The following NEDD4L variants were observed in gnomAD, a reference collection of about 807,000 sequenced individuals.
The protein encoded by NEDD4L is E3 ubiquitin-protein ligase NEDD4-like.
Under a neutral mutation model 148.9 loss-of-function variants are expected in NEDD4L, and 54 were observed. The observed-to-expected ratio is 0.36, with a 90% CI of 0.29 to 0.45. The LOEUF is 0.45. Among genes scored for constraint, NEDD4L ranks in the 20% least tolerant of loss-of-function variants. The pLI is 1.00. For synonymous variants in NEDD4L, 433 were observed against 440.7 expected (o/e 0.98, Z 0.22); for missense variants, 856 against 1,233.8 (o/e 0.69, Z 4.59).
chr18:58,143,892 T>C (rs2033822629), intron 1 of NEDD4L, among the ~76,000 whole-genome samples: 1 of 152,166 alleles, frequency 6.6e-6, no homozygotes, highest in Non-Finnish European at 1.5e-5. Context: ...TATATAGAAA[T>C]GGGCATTTTC....
intron 5 of NEDD4L, among the ~76,000 whole-genome samples, chr18:58,277,248 GA>G (rs5825271): frequency 0.74 from 111,632 of 149,940 alleles, 41,595 homozygotes; most frequent in South Asian, 0.86. Context: ...ATGGAGAAGA[GA>G]AAAAAAAAAA....
intron 2 of NEDD4L, among the ~76,000 whole-genome samples, chr18:58,217,300 G>A (rs77823187): frequency 0.024 from 3,617 of 152,250 alleles, 125 homozygotes; most frequent in African/African-American, 0.072. Context: ...TCTTCGTTGT[G>A]TTCAATTTAT....
At chr18:58,167,566 T>A (rs572265711) in intron 2 of NEDD4L, among the ~76,000 whole-genome samples, 31 of 152,316 alleles carry the variant, frequency 2.0e-4, no homozygotes, top group Non-Finnish European at 7.4e-5. Context: ...CCACAGTAGG[T>A]GCAATGTCAT....
chr18:58,388,066 G>A (rs978722453), intron 27 of NEDD4L: 5 of 152,394 alleles, frequency 3.3e-5, no homozygotes, highest in Non-Finnish European at 7.3e-5. Flanking sequence ...GAAGGCAACA[G>A]GGTTGTAGCA....
At chr18:58,231,279 C>A (rs189677852) in intron 2 of NEDD4L, among the ~76,000 whole-genome samples, 3,505 of 139,850 alleles carry the variant, frequency 0.025, 119 homozygotes, top group African/African-American at 0.076. Context: ...AAGGAACAAA[C>A]AACAGACACA....
At chr18:58,313,162 A>C (rs1353972395) in intron 5 of NEDD4L, among the ~76,000 whole-genome samples, 3 of 152,186 alleles carry the variant, frequency 2.0e-5, no homozygotes, top group Non-Finnish European at 4.4e-5. Context: ...TTTGTGCTTG[A>C]TCCCTATTTT....
chr18:58,309,440 C>T (rs945053698), intron 5 of NEDD4L, among the ~76,000 whole-genome samples: 2 of 152,172 alleles, frequency 1.3e-5, no homozygotes, highest in Non-Finnish European at 2.9e-5. Flanking sequence ...ACTCTGTTGT[C>T]CTATCCTGTC....
intron 5 of NEDD4L, among the ~76,000 whole-genome samples, chr18:58,264,437 T>C (rs941827765): frequency 6.6e-6 from 1 of 152,090 alleles, no homozygotes; most frequent in Non-Finnish European, 1.5e-5. Flanking sequence ...TTGGAAATTA[T>C]GCTGGCCAGT....
At chr18:58,307,189 G>T (rs911204281) in intron 5 of NEDD4L, among the ~76,000 whole-genome samples, 1 of 152,174 alleles carries the variant, frequency 6.6e-6, no homozygotes, top group African/African-American at 2.4e-5. Flanking sequence ...GGAGGAGTGC[G>T]CACTGGGGTG....
At chr18:58,258,426 T>A (rs1388400120) in intron 5 of NEDD4L, among the ~76,000 whole-genome samples, 1 of 152,228 alleles carries the variant, frequency 6.6e-6, no homozygotes, top group Non-Finnish European at 1.5e-5. Context: ...ACTTTGCAGT[T>A]CTGATGTGGA....
chr18:58,319,121 T>G (rs2058550657), intron 6 of NEDD4L, among the ~76,000 whole-genome samples: 1 of 152,160 alleles, frequency 6.6e-6, no homozygotes, highest in Non-Finnish European at 1.5e-5. Context: ...CTCTCATGAG[T>G]GCAGAATTCA....
chr18:58,154,327 G>A (rs923338265), intron 1 of NEDD4L, among the ~76,000 whole-genome samples: 2 of 152,148 alleles, frequency 1.3e-5, no homozygotes, highest in Non-Finnish European at 2.9e-5. Context: ...GAACTGTGGG[G>A]TGAGAAAGGA....
rs766594300 is a variant in NEDD4L, at chr18:58,341,043, A to T, written c.1131A>T (p.Ser377=). The stretch of plus-strand genomic sequence containing the variant: ...ATGATTTCTTGCACAAACAGCCATC[A>T]GTGGCCTATGTACATACCACGCCGG... The part of the protein sequence containing the change: ...TVTGGEEPTP[S]VAYVHTTPGL... The change falls in exon 14 of 31, where the codon TCA becomes TCT. Residue 377 remains serine, a synonymous_variant. Coordinates refer to ENST00000400345, the MANE Select transcript of NEDD4L (RefSeq NM_001144967.3). 6.2e-7 allele frequency: 1 copy of T among 1,608,542 alleles called. No homozygotes were observed. The highest frequency in any genetic ancestry group is 8.5e-7 in the Non-Finnish European group (1 of 1,177,788).
chr18:58,202,778 C>A (rs1226277865), intron 2 of NEDD4L, among the ~76,000 whole-genome samples: 1 of 152,184 alleles, frequency 6.6e-6, no homozygotes, highest in Non-Finnish European at 1.5e-5. Flanking sequence ...ACTTCATACT[C>A]CTTTTGTTTG....
At chr18:58,384,781 G>C (rs1489141007) in intron 25 of NEDD4L, among the ~76,000 whole-genome samples, 2 of 152,198 alleles carry the variant, frequency 1.3e-5, no homozygotes, top group Non-Finnish European at 2.9e-5. Flanking sequence ...GCTGCAGGCT[G>C]GTCCTCAGGG....
At chr18:58,387,385 T>A (rs1602000909) in intron 26 of NEDD4L, 54 bp from the exon 27 acceptor site, 4 of 124,680 alleles carry the variant, frequency 3.2e-5, no homozygotes, top group East Asian at 4.4e-4. Context: ...TCCTGTGAAA[T>A]TTTTTTTTTT....
At chr18:58,154,694 C>T (rs972287418) in intron 1 of NEDD4L, among the ~76,000 whole-genome samples, 2 of 152,064 alleles carry the variant, frequency 1.3e-5, no homozygotes, top group East Asian at 1.9e-4. Flanking sequence ...GGCTGAGGCA[C>T]GAGAATCGCT....
At chr18:58,332,918 C>CT (rs925279590) in intron 11 of NEDD4L, among the ~76,000 whole-genome samples, 55 of 151,226 alleles carry the variant, frequency 3.6e-4, no homozygotes, top group African/African-American at 9.9e-4. Context: ...CACAGTAGAT[C>CT]TTTTTTTTTA....
chr18:58,352,023 C>A (rs1159658524), intron 18 of NEDD4L, among the ~76,000 whole-genome samples: 3 of 152,076 alleles, frequency 2.0e-5, no homozygotes, highest in African/African-American at 7.2e-5. Context: ...CACTTTCAGG[C>A]CCTGGGGGTT....
Sources: gnomAD v4.1 joint callset for allele counts (sites outside exome capture counted in the v4.1 genomes callset) on GRCh38, gnomAD v4.1.1 for gene constraint, MANE v1.5 for transcripts, NCBI Gene and HGNC (gene_info 2026-07-23, HGNC 2026-07-21) for gene names.